The following PCDH18 variants were observed in gnomAD, a reference collection of about 807,000 sequenced individuals.
PCDH18 encodes protocadherin-18.
In PCDH18, 38 loss-of-function variants were observed where a neutral mutation model predicts 71.5. That is an observed-to-expected ratio of 0.53 (90% CI 0.41 to 0.70). The LOEUF (loss-of-function observed/expected upper bound fraction) is 0.70. Among genes scored for constraint, PCDH18 ranks in the 30% least tolerant of loss-of-function variants. The pLI, the probability that PCDH18 is intolerant of heterozygous loss-of-function variation, is 0.00. For synonymous variants in PCDH18, 565 were observed against 505.4 expected, an observed-to-expected ratio of 1.12 and a Z score of -1.58; for missense variants, 1,334 against 1,384.6, an observed-to-expected ratio of 0.96 and a Z score of 0.58.
rs200740548 is a variant in PCDH18, at chr4:137,532,063, T to C, written c.26A>G (p.His9Arg). 6.2e-7 allele frequency: 1 copy of C among 1,610,148 alleles called. No homozygotes were observed. Among genetic ancestry groups the C allele is most frequent in the African/African-American group, 1.3e-5 (1 of 74,898 alleles). MHQMNAKM[H>R]FRFVFALLIV... ...CAGAAGTGCAAAAACAAACCTAAAGTGCATTTTAGCATTCATTTGGTGCAT... is the reference window on the plus strand; with the variant it reads ...CAGAAGTGCAAAAACAAACCTAAAGCGCATTTTAGCATTCATTTGGTGCAT... Residue 9 changes from histidine (H) to arginine (R), a missense_variant, in exon 1 of 4, where the codon CAC (histidine) becomes CGC (arginine). Transcript: ENST00000344876.
At chr4:137,522,680 T>G (rs1731335396) in intron 3 of PCDH18, among the ~76,000 whole-genome samples, 1 of 152,210 alleles carries the variant, frequency 6.6e-6, no homozygotes, top group African/African-American at 2.4e-5. Flanking sequence ...CATTAGGTTG[T>G]TACTAGCTAT....
Position 137,531,050 on chromosome 4 carries a change from C to T in PCDH18, c.1039G>A (p.Val347Ile), listed in dbSNP as rs1258968325. 1 of 1,609,870 alleles carries T rather than the reference C, an allele frequency of 6.2e-7. No individual in the cohort carries two copies. Among genetic ancestry groups the T allele is most frequent in the Non-Finnish European group, 8.5e-7 (1 of 1,177,958 alleles). The change falls in exon 1 of 4, where the codon GTT becomes ATT. Residue 347 changes from valine (V) to isoleucine (I), a missense_variant. Around this residue, in one of 3 missense-constraint regions of PCDH18, gnomAD observed 1,011 missense variants for 1,048.0 expected, o/e 0.96. Coordinates refer to ENST00000344876, the MANE Select transcript of PCDH18 (RefSeq NM_019035.5). Reference sequence around the variant, plus strand: ...TTAATTTCAGGTTTATTGTCATTAACATCCACAACCTTAATTATAATTTTG... The same window carrying T: ...TTAATTTCAGGTTTATTGTCATTAATATCCACAACCTTAATTATAATTTTG... ...HCKIIIKVVD[V>I]NDNKPEININ...
rs774729746 is a variant in PCDH18 at position 137,521,498 on chromosome 4, T to C, written c.2939A>G (p.Lys980Arg). 16 of 1,614,168 alleles carry C rather than the reference T, an allele frequency of 9.9e-6. No individual in the cohort carries two copies. Among genetic ancestry groups the C allele is most frequent in the Non-Finnish European group, 1.4e-5 (16 of 1,180,026 alleles). Residue 980 changes from lysine to arginine, a missense_variant, in exon 4 of 4, where the codon AAG becomes AGG. Transcript: ENST00000344876. ...DAQPADSGEK[K>R]KSFSTFGKDS... The stretch of plus-strand genomic sequence containing the variant: ...CTTTCCAAAGGTGGAAAAACTCTTC[T>C]TCTTTTCACCGGAATCTGCAGGCTG...
At position 137,520,965 on chromosome 4, in the gene PCDH18, TTTG is replaced by T. The variant is rs745703723; in HGVS notation, c.*61_*63del. The T allele has an allele frequency of 2.8e-4, 336 of 1,198,724 alleles. 1 individual carries two copies. Among genetic ancestry groups the T allele is most frequent in the South Asian group, 2.1e-3 (137 of 66,096 alleles). The allele number at this position is 1,198,724 out of a possible 1,614,324, so 74.3% of individuals were successfully genotyped here. On this transcript the variant is annotated 3_prime_UTR_variant, in exon 4 of 4. Transcript: ENST00000344876. ...GGCAATGCCAGTTCTTTCAGGGTTT[TTTG>T]TTGTTGTTGTTGTTCCCTATTTCCA...
chr4:137,531,885 G>A lies in PCDH18; in HGVS notation c.204C>T (p.Ala68=), dbSNP rs1731721717. ...GTAGAGGAGAATTTCCCCTCTGCAT[G>A]GCTCGAAATCGAACAGTAGAAGGAT... ...LPNPSTVRFR[A]MQRGNSPLLV... The change falls in exon 1 of 4, where the codon GCC becomes GCT. Residue 68 remains alanine, a synonymous_variant. Transcript: ENST00000344876. 1.2e-6 allele frequency: 2 copies of A among 1,613,762 alleles called. No individual in the cohort carries two copies. Among genetic ancestry groups the A allele is most frequent in the South Asian group, 2.2e-5 (2 of 91,054 alleles).
chr4:137,527,067 G>T (rs80064011), intron 3 of PCDH18, among the ~76,000 whole-genome samples: 257 of 151,950 alleles, frequency 1.7e-3, no homozygotes, highest in Non-Finnish European at 2.9e-3. Context: ...GCATGAGCCT[G>T]GAGTAAACCT....
intron 3 of PCDH18, among the ~76,000 whole-genome samples, chr4:137,523,245 G>T (rs1406607089): frequency 6.6e-6 from 1 of 151,964 alleles, no homozygotes; most frequent in Non-Finnish European, 1.5e-5. Flanking sequence ...TGTTATGAAA[G>T]GTTACATTTA....
intron 3 of PCDH18, among the ~76,000 whole-genome samples, chr4:137,524,462 A>T (rs1731389260): frequency 1.3e-5 from 2 of 152,172 alleles, no homozygotes; most frequent in Non-Finnish European, 2.9e-5. Flanking sequence ...AAAGTGTCAA[A>T]CTAGATGATG....
Position 137,521,180 on chromosome 4 carries a change from A to G in PCDH18, c.3257T>C (p.Leu1086Pro). The change falls in exon 4 of 4, where the codon CTG becomes CCG. Residue 1086 changes from leucine to proline, a missense_variant. This residue lies in a region of PCDH18 where 319 missense variants were observed against 316.3 expected (regional missense o/e 1.01). Coordinates refer to ENST00000344876, the MANE Select transcript of PCDH18 (RefSeq NM_019035.5). The stretch of plus-strand genomic sequence containing the variant: ...TTCAGGGATCTCCTCCATGGCTGGC[A>G]GCCATTTTGAAGAAGGCTGCACACT... ...HSSVQPSSKW[L>P]PAMEEIPENY... 6.2e-7 allele frequency: 1 copy of G among 1,614,210 alleles called. No homozygotes were observed. Among genetic ancestry groups the G allele is most frequent in the East Asian group, 2.2e-5 (1 of 44,876 alleles).
In PCDH18 at chr4:137,531,010, G is replaced by A. The variant is rs201149458; in HGVS notation, c.1079C>T (p.Ser360Phe). ...ATAAGATATTTCTTCTTTTCCAGGGGACATGAGGTTGATGTTAATTTCAGG... is the reference window on the plus strand; with the variant it reads ...ATAAGATATTTCTTCTTTTCCAGGGAACATGAGGTTGATGTTAATTTCAGG... The part of the protein sequence containing the change: ...NKPEININLM[S>F]PGKEEISYIF... Residue 360 changes from serine (S) to phenylalanine (F), a missense_variant, in exon 1 of 4, where the codon TCC becomes TTC. By Grantham distance (155) the Ser-to-Phe change is radical. Around this residue, in one of 3 missense-constraint regions of PCDH18, gnomAD observed 1,011 missense variants for 1,048.0 expected, o/e 0.96. Transcript: ENST00000344876. 9.3e-6 allele frequency: 15 copies of A among 1,610,324 alleles called. No homozygotes were observed. In the East Asian group the frequency reaches 2.2e-4, roughly 24 times the overall value.
rs1731262535 is a variant in PCDH18, at chr4:137,520,678, T to G, written c.*351A>C. ...CATAATAATTCTTCCCCAACAAAACTAATCTAAGCAGTGCCTTTACACTTT... is the reference window on the plus strand; with the variant it reads ...CATAATAATTCTTCCCCAACAAAACGAATCTAAGCAGTGCCTTTACACTTT... On this transcript the variant is annotated 3_prime_UTR_variant, in exon 4 of 4. Coordinates refer to ENST00000344876, the MANE Select transcript of PCDH18 (RefSeq NM_019035.5). 5.7e-6 allele frequency: 1 copy of G among 175,656 alleles called. No homozygotes were observed. 10.9% of individuals were successfully genotyped at this position (175,656 alleles called of 1,614,324 possible). A position where few individuals can be genotyped will look rare whatever the true frequency, so the allele number is the denominator to read the frequency against.
chr4:137,523,339 CT>C (rs56713394), intron 3 of PCDH18, among the ~76,000 whole-genome samples: 2,484 of 146,374 alleles, frequency 0.017, 59 homozygotes, highest in African/African-American at 0.057. Flanking sequence ...TGTTTACCAA[CT>C]TTTTTTTTTT....
chr4:137,520,376 A>G lies in PCDH18; in HGVS notation c.*653T>C, dbSNP rs9286351. On this transcript the variant is annotated 3_prime_UTR_variant, in exon 4 of 4. Coordinates refer to ENST00000344876, the MANE Select transcript of PCDH18 (RefSeq NM_019035.5). The stretch of plus-strand genomic sequence containing the variant: ...TGGGAGTCAGGAAACATTGACTTTA[A>G]TTCTGTTTTCATCATTGTCTATAAA... 80,899 of 152,014 alleles carry G rather than the reference A, an allele frequency of 0.53. 23,318 individuals are homozygous for G. The highest frequency in any genetic ancestry group is 0.77 in the African/African-American group (32,044 of 41,476). The allele number at this position is 152,014 out of a possible 1,614,324, so 9.4% of individuals were successfully genotyped here.
In PCDH18 at chr4:137,521,984, G is replaced by T. The variant is rs140508616; in HGVS notation, c.2741-288C>A. Among the ~76,000 whole-genome samples, 4 of 152,184 alleles carry T rather than the reference G, an allele frequency of 2.6e-5. No individual in the cohort carries two copies. The East Asian group carries it at 5.8e-4, about 22-fold the overall frequency. ...GATAAGATGGGTTGATAAAGTATACGTGGGAAGAACTAGGTGTGAGTGATG... is the reference window on the plus strand; with the variant it reads ...GATAAGATGGGTTGATAAAGTATACTTGGGAAGAACTAGGTGTGAGTGATG... On this transcript the variant is annotated intron_variant, in intron 3 of 3. Transcript: ENST00000344876.
rs1463893152 is a variant in PCDH18, at chr4:137,521,021, A to G, written c.*8T>C. The G allele has an allele frequency of 2.5e-5, 39 of 1,552,050 alleles. No homozygotes were observed. Among genetic ancestry groups the G allele is most frequent in the Middle Eastern group, 1.7e-4 (1 of 5,740 alleles). Reference sequence around the variant, plus strand: ...TACATGGAAACAAAAATGCTTCGCTAAAATCTCCTAGCTCTGGCGGACATC... The same window carrying G: ...TACATGGAAACAAAAATGCTTCGCTGAAATCTCCTAGCTCTGGCGGACATC... On this transcript the variant is annotated 3_prime_UTR_variant, in exon 4 of 4. Coordinates refer to ENST00000344876, the MANE Select transcript of PCDH18 (RefSeq NM_019035.5).
At chr4:137,528,889 A>C in intron 1 of PCDH18, 69 bp from the exon 2 acceptor site, 1 of 1,045,752 alleles carries the variant, frequency 9.6e-7, no homozygotes, top group Non-Finnish European at 1.5e-6. Context: ...TTTAAGCAAG[A>C]AAAACAGTTG....
Position 137,529,627 on chromosome 4 carries a change from AGTTC to A in PCDH18, c.2458_2461del (p.Glu820SerfsTer50). 1.9e-6 allele frequency: 3 copies of A among 1,608,020 alleles called. No individual in the cohort carries two copies. The highest frequency in any genetic ancestry group is 2.6e-6 in the Non-Finnish European group (3 of 1,176,218). On this transcript the variant is annotated frameshift_variant, in exon 1 of 4. Transcript: ENST00000344876. LOFTEE classifies it high-confidence loss of function. ...CTCAACAGCAGGAGTGGCGTGGGTG[AGTTC>A]TAATGAGAAATTCTCTGGCACGTGG...
intron 1 of PCDH18, 70 bp from the exon 2 acceptor site, chr4:137,528,890 A>T (rs1731558812): frequency 4.8e-6 from 5 of 1,039,264 alleles, no homozygotes; most frequent in Non-Finnish European, 7.6e-6. Context: ...TTAAGCAAGA[A>T]AAACAGTTGC....
chr4:137,521,839 C>A, intron 3 of PCDH18, 143 bp from the exon 4 acceptor site: 1 of 635,178 alleles, frequency 1.6e-6, no homozygotes, highest in South Asian at 2.1e-5. Context: ...TACACAAAAG[C>A]TGGACTACAA....
Sources: gnomAD v4.1 joint callset for allele counts (sites outside exome capture counted in the v4.1 genomes callset) on GRCh38, gnomAD v4.1.1 for gene constraint, gnomAD v4.1.1 regional missense constraint, MANE v1.5 for transcripts, NCBI Gene and HGNC (gene_info 2026-07-23, HGNC 2026-07-21) for gene names.